Variants in UTS2 observed in about 807,000 individuals in gnomAD.
The protein encoded by UTS2 is urotensin-2.
A neutral mutation model predicts 12.6 loss-of-function variants in UTS2; 10 were observed. That is an observed-to-expected ratio of 0.80 (90% confidence interval 0.49 to 1.35). UTS2 has a LOEUF of 1.35. Ranked by LOEUF, UTS2 falls within the 40% of genes most tolerant of loss-of-function variation. The pLI is 0.00. For synonymous variants in UTS2, 52 were observed against 50.0 expected, an observed-to-expected ratio of 1.04 and a Z score of -0.17; for missense variants, 142 against 143.2, an observed-to-expected ratio of 0.99 and a Z score of 0.04.
At chr1:7,883,790 T>C in the UTS2 span, among the ~76,000 whole-genome samples, 1 of 152,212 alleles carries the variant, frequency 6.6e-6, no homozygotes, top group East Asian at 1.9e-4. Flanking sequence ...AGCAAAAAGA[T>C]TATGACTTGT....
At chr1:7,856,918 G>A (rs957898919), upstream of UTS2, among the ~76,000 whole-genome samples, 8 of 152,014 alleles carry the variant, frequency 5.3e-5, no homozygotes, top group Non-Finnish European at 4.4e-5. Flanking sequence ...AAAATTAGCC[G>A]GGAGTAGTGG....
the UTS2 span, among the ~76,000 whole-genome samples, chr1:7,908,290 C>G: frequency 7.5e-6 from 1 of 133,234 alleles, no homozygotes; most frequent in Non-Finnish European, 1.5e-5. Context: ...GAGTGAGACT[C>G]CGTCTAAAAA....
At chr1:7,859,853 G>A in the UTS2 span, among the ~76,000 whole-genome samples, 1 of 152,162 alleles carries the variant, frequency 6.6e-6, no homozygotes, top group Non-Finnish European at 1.5e-5. Context: ...TGAAAAATTA[G>A]CCAGGCATGG....
the UTS2 span, among the ~76,000 whole-genome samples, chr1:7,891,965 C>T: frequency 2.0e-5 from 3 of 152,102 alleles, no homozygotes; most frequent in African/African-American, 7.2e-5. Flanking sequence ...TTGATGGTGG[C>T]GACAGTTTCA....
At chr1:7,875,476 C>T in the UTS2 span, among the ~76,000 whole-genome samples, 217 of 152,228 alleles carry the variant, frequency 1.4e-3, no homozygotes, top group African/African-American at 4.9e-3. Context: ...CTTCCCAGGG[C>T]GTGAGGACAA....
chr1:7,893,148 T>C, the UTS2 span, among the ~76,000 whole-genome samples: 1 of 152,190 alleles, frequency 6.6e-6, no homozygotes, highest in Admixed American at 6.5e-5. Context: ...ACTTTTTCTC[T>C]CTTTTGGACA....
the UTS2 span, among the ~76,000 whole-genome samples, chr1:7,891,186 C>T: frequency 6.6e-6 from 1 of 152,102 alleles, no homozygotes; most frequent in Non-Finnish European, 1.5e-5. Flanking sequence ...CCAGGTGATG[C>T]TGAGCAAAGG....
the UTS2 span, among the ~76,000 whole-genome samples, chr1:7,871,211 A>G: frequency 6.6e-6 from 1 of 152,232 alleles, no homozygotes; most frequent in Non-Finnish European, 1.5e-5. Flanking sequence ...TGGTGCCATC[A>G]TGCATGCTCT....
the UTS2 span, among the ~76,000 whole-genome samples, chr1:7,864,894 A>C: frequency 0.43 from 49,591 of 116,208 alleles, 15,827 homozygotes; most frequent in East Asian, 0.68. Context: ...CGTCTTCCCC[A>C]TGTGTCCTCC....
At chr1:7,884,871 C>A in the UTS2 span, among the ~76,000 whole-genome samples, 1 of 151,582 alleles carries the variant, frequency 6.6e-6, no homozygotes, top group African/African-American at 2.4e-5. Context: ...ATCCACCCAC[C>A]CATCCATCCA....
At chr1:7,858,064 G>A (rs1638350687), upstream of UTS2, among the ~76,000 whole-genome samples, 2 of 152,252 alleles carry the variant, frequency 1.3e-5, no homozygotes, top group South Asian at 4.1e-4. Context: ...CAAGGAAGAG[G>A]CTGTTTGCCA....
At chr1:7,849,417 G>A (rs528512835) in intron 3 of UTS2, among the ~76,000 whole-genome samples, 1 of 151,970 alleles carries the variant, frequency 6.6e-6, no homozygotes, top group Admixed American at 6.6e-5. Flanking sequence ...CACCATGTTG[G>A]CCAGGCTGGT....
the UTS2 span, among the ~76,000 whole-genome samples, chr1:7,884,870 CCCATCCATCCACCCAT>C: frequency 1.3e-5 from 2 of 151,400 alleles, no homozygotes; most frequent in African/African-American, 4.9e-5. Flanking sequence ...CATCCACCCA[CCCATCCATCCACCCAT>C]CCATCCATCT....
At chr1:7,863,614 C>T in the UTS2 span, among the ~76,000 whole-genome samples, 1 of 152,134 alleles carries the variant, frequency 6.6e-6, no homozygotes, top group Admixed American at 6.5e-5. Context: ...TGGTGGGCAC[C>T]CAAATGGCAT....
At chr1:7,876,683 A>C in the UTS2 span, among the ~76,000 whole-genome samples, 5 of 152,148 alleles carry the variant, frequency 3.3e-5, no homozygotes, top group African/African-American at 1.2e-4. Flanking sequence ...AAATCATATA[A>C]AGACTATACT....
chr1:7,875,528 A>T, the UTS2 span, among the ~76,000 whole-genome samples: 3 of 152,028 alleles, frequency 2.0e-5, no homozygotes, highest in Non-Finnish European at 4.4e-5. Context: ...TCCACATGTC[A>T]TCCAGGGGCT....
the UTS2 span, among the ~76,000 whole-genome samples, chr1:7,898,598 C>T: frequency 6.6e-6 from 1 of 152,058 alleles, no homozygotes; most frequent in Admixed American, 6.6e-5. Flanking sequence ...GCCTCAGCCT[C>T]CCGAGTAGCT....
upstream of UTS2, among the ~76,000 whole-genome samples, chr1:7,857,132 G>GAAGGAAGGAAGGAAGGAAGT (rs1638330862): frequency 6.6e-6 from 1 of 151,590 alleles, no homozygotes; most frequent in Non-Finnish European, 1.5e-5. Flanking sequence ...AGGAAGGAAG[G>GAAGGAAGGAAGGAAGGAAGT]AAGGAAGGAA....
At chr1:7,859,307 T>C in the UTS2 span, among the ~76,000 whole-genome samples, 1 of 152,246 alleles carries the variant, frequency 6.6e-6, no homozygotes, top group Non-Finnish European at 1.5e-5. Context: ...AGATTTCGTT[T>C]CTAGTCACCT....
Sources: allele counts gnomAD v4.1 joint callset (sites outside exome capture counted in the v4.1 genomes callset), GRCh38; gene constraint gnomAD v4.1.1; transcripts MANE v1.5; gene names NCBI Gene and HGNC (gene_info 2026-07-23, HGNC 2026-07-21).